NOS1AP: variants seen among roughly 807,000 people sequenced by gnomAD.
NOS1AP encodes nitric oxide synthase 1 adaptor protein.
Under a neutral mutation model 56.2 loss-of-function variants are expected in NOS1AP, and 21 were observed. That is an observed-to-expected ratio of 0.37 (90% confidence interval 0.26 to 0.54). NOS1AP has a LOEUF of 0.54. Ranked by LOEUF, NOS1AP falls within the 20% of genes least tolerant of loss-of-function variation. The probability of loss-of-function intolerance (pLI) is 0.84; values close to 1 mark genes in which losing one functional copy is unlikely to be tolerated. For synonymous variants in NOS1AP, 270 were observed against 274.6 expected (o/e 0.98, Z 0.17); for missense variants, 522 against 657.8 (o/e 0.79, Z 2.26).
intron 3 of NOS1AP, among the ~76,000 whole-genome samples, chr1:162,298,909 A>G (rs1045252275): frequency 6.6e-6 from 1 of 152,274 alleles, no homozygotes; most frequent in African/African-American, 2.4e-5. Flanking sequence ...AACTCAGTAG[A>G]TGGACTCCAC....
At chr1:162,081,774 A>ATATATATT in intron 1 of NOS1AP, among the ~76,000 whole-genome samples, 10 of 43,990 alleles carry the variant, frequency 2.3e-4, no homozygotes, top group Non-Finnish European at 3.2e-4. Flanking sequence ...ATATATATAT[A>ATATATATT]TTTTTTTTTT....
chr1:162,252,324 T>C (rs551945211), intron 2 of NOS1AP, among the ~76,000 whole-genome samples: 49 of 152,180 alleles, frequency 3.2e-4, no homozygotes, highest in Non-Finnish European at 3.7e-4. Flanking sequence ...TGGCTGGGAT[T>C]ATAGGCATGA....
rs1040331915 is a variant in NOS1AP, at chr1:162,232,060, C to A, written c.178-55284C>A. Among the ~76,000 whole-genome samples, 15 of 152,284 alleles carry A rather than the reference C, an allele frequency of 9.9e-5. No homozygotes were observed. In the East Asian group the frequency reaches 2.9e-3, roughly 29 times the overall value. On this transcript the variant is annotated intron_variant, in intron 2 of 9. Coordinates refer to ENST00000361897, the MANE Select transcript of NOS1AP (RefSeq NM_014697.3). ...TATGCTCTTGTAGCACAGAGGTATC[C>A]TTTGTAACTCTAAGCAGTGGAGCTT...
At chr1:162,101,205 ATTGT>A (rs764951299) in intron 1 of NOS1AP, among the ~76,000 whole-genome samples, 1 of 152,100 alleles carries the variant, frequency 6.6e-6, no homozygotes, top group Non-Finnish European at 1.5e-5. Context: ...TCTTTTCCCC[ATTGT>A]TTGTTTTTGT....
At chr1:162,220,347 T>G (rs1252146972) in intron 2 of NOS1AP, among the ~76,000 whole-genome samples, 1 of 152,090 alleles carries the variant, frequency 6.6e-6, no homozygotes, top group Non-Finnish European at 1.5e-5. Context: ...GTGCTATGCG[T>G]GGGTCTCGGT....
Position 162,290,036 on chromosome 1 carries a change from G to A in NOS1AP, c.270+2600G>A, listed in dbSNP as rs185503027. Reference sequence around the variant, plus strand: ...GTGCTGAGGTATCACCTGGAGAGAAGCCTCCCTGCCTCCACTAAGCACATG... The same window carrying A: ...GTGCTGAGGTATCACCTGGAGAGAAACCTCCCTGCCTCCACTAAGCACATG... On this transcript the variant is annotated intron_variant, in intron 3 of 9. Transcript: ENST00000361897. Among the ~76,000 whole-genome samples, 5 of 152,292 alleles carry A rather than the reference G, an allele frequency of 3.3e-5. No homozygotes were observed. The East Asian group carries it at 9.7e-4, about 29-fold the overall frequency.
intron 2 of NOS1AP, among the ~76,000 whole-genome samples, chr1:162,166,543 A>G (rs966102778): frequency 1.3e-5 from 2 of 152,112 alleles, no homozygotes; most frequent in African/African-American, 4.8e-5. Flanking sequence ...CATCCCTTCT[A>G]GAAGCTTTCC....
At chr1:162,130,953 T>G (rs1338982248) in intron 1 of NOS1AP, among the ~76,000 whole-genome samples, 1 of 152,156 alleles carries the variant, frequency 6.6e-6, no homozygotes, top group Non-Finnish European at 1.5e-5. Flanking sequence ...TTTTTATGGA[T>G]AAAAGAAAAT....
intron 1 of NOS1AP, among the ~76,000 whole-genome samples, chr1:162,139,075 C>T (rs534069593): frequency 6.6e-6 from 1 of 152,206 alleles, no homozygotes; most frequent in South Asian, 2.1e-4. Flanking sequence ...GCAGAAGGCT[C>T]CCTTGTGGAT....
At chr1:162,335,306 C>T (rs1045484001) in intron 5 of NOS1AP, among the ~76,000 whole-genome samples, 11 of 152,292 alleles carry the variant, frequency 7.2e-5, no homozygotes, top group African/African-American at 2.4e-4. Flanking sequence ...TTCCAGTCAG[C>T]CTGGGCGTTG....
chr1:162,180,411 A>AT (rs1333148275), intron 2 of NOS1AP, among the ~76,000 whole-genome samples: 1 of 151,004 alleles, frequency 6.6e-6, no homozygotes, highest in Non-Finnish European at 1.5e-5. Flanking sequence ...CGGCCAGCTA[A>AT]TTTTTTGTAT....
At chr1:162,237,057 C>T (rs1397398946) in intron 2 of NOS1AP, among the ~76,000 whole-genome samples, 3 of 152,308 alleles carry the variant, frequency 2.0e-5, no homozygotes, top group Admixed American at 1.3e-4. Context: ...TAAACCAGCT[C>T]GTTTCCCGTT....
chr1:162,343,750 C>G, intron 5 of NOS1AP, 85 bp from the exon 6 acceptor site: 1 of 1,518,322 alleles, frequency 6.6e-7, no homozygotes, highest in South Asian at 1.1e-5. Flanking sequence ...TTTTCTGTCT[C>G]TTTCTTTGGC....
At chr1:162,258,210 A>G (rs551162180) in intron 2 of NOS1AP, among the ~76,000 whole-genome samples, 1 of 152,120 alleles carries the variant, frequency 6.6e-6, no homozygotes, top group East Asian at 1.9e-4. Context: ...ATTTTATCAC[A>G]TAGTATTTAT....
At chr1:162,090,315 T>A (rs1184525797) in intron 1 of NOS1AP, among the ~76,000 whole-genome samples, 4 of 152,080 alleles carry the variant, frequency 2.6e-5, no homozygotes, top group Non-Finnish European at 5.9e-5. Context: ...TAATTTTTCT[T>A]TTCCTTATAA....
chr1:162,196,857 A>C lies in NOS1AP; in HGVS notation c.177+42381A>C, dbSNP rs565009675. 3.1e-3 allele frequency among the ~76,000 whole-genome samples: 467 copies of C among 152,368 alleles called. 8 individuals are homozygous for C. Among genetic ancestry groups the C allele is most frequent in the Admixed American group, 0.028 (421 of 15,302 alleles). ...CAGTAAAACATTTATTGTGCGAACGAATCTAGAGTAGAGTAGGGCTGGAGG... is the reference window on the plus strand; with the variant it reads ...CAGTAAAACATTTATTGTGCGAACGCATCTAGAGTAGAGTAGGGCTGGAGG... On this transcript the variant is annotated intron_variant, in intron 2 of 9. Coordinates refer to ENST00000361897, the MANE Select transcript of NOS1AP (RefSeq NM_014697.3).
At chr1:162,268,951 C>T (rs1654507045) in intron 2 of NOS1AP, among the ~76,000 whole-genome samples, 1 of 152,036 alleles carries the variant, frequency 6.6e-6, no homozygotes, top group African/African-American at 2.4e-5. Context: ...GGCCTAAGAA[C>T]CAATACAAGA....
chr1:162,112,069 G>T (rs1261861369), intron 1 of NOS1AP, among the ~76,000 whole-genome samples: 1 of 152,204 alleles, frequency 6.6e-6, no homozygotes, highest in Admixed American at 6.5e-5. Context: ...TGGTCACTGA[G>T]TTGCTCTGGG....
intron 1 of NOS1AP, among the ~76,000 whole-genome samples, chr1:162,144,937 C>A (rs964613308): frequency 1.3e-5 from 2 of 152,110 alleles, no homozygotes; most frequent in African/African-American, 4.8e-5. Context: ...TCTGTCTTAC[C>A]CTCTGTCCCT....
Sources: gnomAD v4.1 joint callset for allele counts (sites outside exome capture counted in the v4.1 genomes callset) on GRCh38, gnomAD v4.1.1 for gene constraint, MANE v1.5 for transcripts, NCBI Gene and HGNC (gene_info 2026-07-23, HGNC 2026-07-21) for gene names.